The following ITGA3 variants were observed in gnomAD, a reference collection of about 807,000 sequenced individuals.
The protein encoded by ITGA3 is integrin alpha-3.
ITGA3 carries 70 observed loss-of-function variants against 131.1 expected under a neutral mutation model. The observed-to-expected ratio is 0.53, with a 90% CI of 0.44 to 0.65. ITGA3 has a LOEUF of 0.65. Among genes scored for constraint, ITGA3 ranks in the 30% least tolerant of loss-of-function variants. The pLI, the probability that ITGA3 is intolerant of heterozygous loss-of-function variation, is 0.00. For synonymous variants in ITGA3, 537 were observed against 571.6 expected, an observed-to-expected ratio of 0.94 and a Z score of 0.86; for missense variants, 1,098 against 1,388.6, an observed-to-expected ratio of 0.79 and a Z score of 3.33.
intron 18 of ITGA3, 23 bp from the exon 19 acceptor site, chr17:50,078,801 T>C: frequency 6.8e-7 from 1 of 1,468,578 alleles, no homozygotes; most frequent in Non-Finnish European, 9.5e-7. Flanking sequence ...CCCCCGTGAC[T>C]CCAGCATCCT....
At chr17:50,082,337 C>T (rs890558713) in intron 23 of ITGA3, among the ~76,000 whole-genome samples, 1 of 152,158 alleles carries the variant, frequency 6.6e-6, no homozygotes, top group Non-Finnish European at 1.5e-5. Flanking sequence ...CACCACCACG[C>T]CCGGCTAATT....
intron 23 of ITGA3, among the ~76,000 whole-genome samples, chr17:50,083,340 G>C (rs1324773464): frequency 6.6e-6 from 1 of 152,160 alleles, no homozygotes; most frequent in African/African-American, 2.4e-5. Flanking sequence ...TATGGGAAGA[G>C]TGAGTTATAA....
intron 16 of ITGA3, 102 bp downstream of exon 16, chr17:50,077,549 C>T (rs911072312): frequency 7.5e-6 from 7 of 938,900 alleles, no homozygotes; most frequent in African/African-American, 1.6e-5. Flanking sequence ...TCTGGGCTCC[C>T]TCGAAGTGGA....
At chr17:50,085,321 G>T (rs538587177) in intron 23 of ITGA3, among the ~76,000 whole-genome samples, 1 of 152,092 alleles carries the variant, frequency 6.6e-6, no homozygotes, top group East Asian at 1.9e-4. Context: ...TAAAACTATG[G>T]AAAGAGATTC....
At chr17:50,059,800 A>G (rs989702349) in intron 1 of ITGA3, among the ~76,000 whole-genome samples, 1 of 152,206 alleles carries the variant, frequency 6.6e-6, no homozygotes, top group Non-Finnish European at 1.5e-5. Flanking sequence ...TCGGGGGTCA[A>G]ATACAGGAAA....
At position 50,072,217 on chromosome 17, in the gene ITGA3, T is replaced by C. The variant is rs773865164; in HGVS notation, c.1156+35T>C. Reference sequence around the variant, plus strand: ...AGCACTCCTCCCCCAGCACCCCTCCTCCAGCACCCCTCCTCCCAGCACCCC... The same window carrying C: ...AGCACTCCTCCCCCAGCACCCCTCCCCCAGCACCCCTCCTCCCAGCACCCC... On this transcript the variant is annotated intron_variant, in intron 7 of 25. Coordinates refer to ENST00000320031, the MANE Select transcript of ITGA3 (RefSeq NM_002204.4). 1.9e-6 allele frequency: 3 copies of C among 1,566,688 alleles called. No homozygotes were observed. The South Asian group carries it at 3.4e-5, about 18-fold the overall frequency.
intron 14 of ITGA3, 38 bp from the exon 15 acceptor site, chr17:50,076,936 G>A (rs1377684017): frequency 6.3e-7 from 1 of 1,579,484 alleles, no homozygotes; most frequent in East Asian, 2.3e-5. Context: ...TGCCCTGGGG[G>A]CGGGGCTCTT....
At chr17:50,057,221 G>C (rs1377843556) in intron 1 of ITGA3, among the ~76,000 whole-genome samples, 13 of 152,158 alleles carry the variant, frequency 8.5e-5, no homozygotes, top group Admixed American at 6.5e-4. Flanking sequence ...CTTGAGGATA[G>C]GGGCGGTGAA....
At chr17:50,080,466 GTGTGTGTGTGT>G (rs1598195226) in intron 22 of ITGA3, 91 bp downstream of exon 22, 13 of 96,764 alleles carry the variant, frequency 1.3e-4, no homozygotes, top group Non-Finnish European at 5.5e-4. Context: ...TAGCATGGGT[GTGTGTGTGTGT>G]GTGTGTGTGT....
intron 1 of ITGA3, among the ~76,000 whole-genome samples, chr17:50,057,771 C>G (rs978311478): frequency 6.6e-6 from 1 of 152,228 alleles, no homozygotes; most frequent in Non-Finnish European, 1.5e-5. Flanking sequence ...GAAAATCTCC[C>G]TGCTCTGGCT....
chr17:50,062,319 A>G (rs1429951354), intron 1 of ITGA3, among the ~76,000 whole-genome samples: 1 of 152,116 alleles, frequency 6.6e-6, no homozygotes, highest in African/African-American at 2.4e-5. Context: ...CAAACCCTAG[A>G]CCCAGGTCCG....
In ITGA3 at chr17:50,079,492, G is replaced by A. The variant is rs1207542438; in HGVS notation, c.2641G>A (p.Gly881Arg). The A allele has an allele frequency of 1.9e-6, 3 of 1,580,890 alleles. No individual in the cohort carries two copies. The African/African-American group carries it at 4.1e-5, about 21-fold the overall frequency. ...CAGGCGGCGACAGCTGGATCCAGGG[G>A]GAGGCCAGGGCCCCCCACCTGTCAC... ...QRRRRQLDPG[G>R]GQGPPPVTLA... The change falls in exon 21 of 26, where the codon GGA becomes AGA. Residue 881 changes from glycine (G) to arginine (R), a missense_variant. Gly to Arg is a moderately radical substitution (Grantham distance 125). This residue lies in a region of ITGA3 where 699 missense variants were observed against 829.2 expected (regional missense o/e 0.84). Coordinates refer to ENST00000320031, the MANE Select transcript of ITGA3 (RefSeq NM_002204.4).
intron 1 of ITGA3, among the ~76,000 whole-genome samples, chr17:50,063,376 G>C (rs138535564): frequency 6.6e-6 from 1 of 152,106 alleles, no homozygotes; most frequent in African/African-American, 2.4e-5. Context: ...CACCCAGGTC[G>C]CTTAGGGGCC....
chr17:50,076,747 G>T, intron 14 of ITGA3, 66 bp downstream of exon 14: 1 of 1,397,670 alleles, frequency 7.2e-7, no homozygotes, highest in Non-Finnish European at 1.0e-6. Context: ...AACTGGCAGG[G>T]TGGGGGCGGG....
chr17:50,073,141 C>A (rs1378617169), intron 7 of ITGA3, among the ~76,000 whole-genome samples: 1 of 152,148 alleles, frequency 6.6e-6, no homozygotes, highest in Non-Finnish European at 1.5e-5. Flanking sequence ...TTGCTGATTC[C>A]CTAGGCCTTA....
chr17:50,071,451 C>G lies in ITGA3; in HGVS notation c.892C>G (p.Leu298Val). The change falls in exon 6 of 26, where the codon CTG becomes GTG. Residue 298 changes from leucine (L) to valine (V), a missense_variant. Coordinates refer to ENST00000320031, the MANE Select transcript of ITGA3 (RefSeq NM_002204.4). ...AGGDLRRRQVLEGSQVGAYFG... is the reference protein window; with the variant it reads ...AGGDLRRRQVVEGSQVGAYFG... ...CGGAGACCTGCGGAGGAGGCAGGTG[C>G]TGGAGGGCTCGCAGGTGGGCGCCTA... 1.2e-6 allele frequency: 2 copies of G among 1,613,756 alleles called. No homozygotes were observed. Among genetic ancestry groups the G allele is most frequent in the South Asian group, 2.2e-5 (2 of 91,082 alleles).
At chr17:50,080,840 C>T (rs1343281154) in intron 22 of ITGA3, among the ~76,000 whole-genome samples, 5 of 152,250 alleles carry the variant, frequency 3.3e-5, no homozygotes, top group African/African-American at 7.2e-5. Flanking sequence ...CAATGCCTCA[C>T]GTGCCCACTT....
rs75525844 is a variant in ITGA3, at chr17:50,073,837, G to A, written c.1157-79G>A. On this transcript the variant is annotated intron_variant, in intron 7 of 25. Transcript: ENST00000320031. The stretch of plus-strand genomic sequence containing the variant: ...GCCAAGATCAGTTCTGTGCTGGGCT[G>A]TATGGCCTGGAGCAAAGAGTTAGGG... 8.1e-4 allele frequency: 816 copies of A among 1,013,650 alleles called. 4 individuals are homozygous for A. Among genetic ancestry groups the A allele is most frequent in the Middle Eastern group, 2.3e-3 (9 of 3,976 alleles). 62.8% of individuals were successfully genotyped at this position (1,013,650 alleles called of 1,614,324 possible).
intron 15 of ITGA3, 92 bp downstream of exon 15, chr17:50,077,213 C>T: frequency 7.3e-7 from 1 of 1,365,468 alleles, no homozygotes; most frequent in African/African-American, 1.4e-5. Context: ...TTGTCGTCTG[C>T]CACGTGCCCA....
Sources: gnomAD v4.1 joint callset for allele counts (sites outside exome capture counted in the v4.1 genomes callset) on GRCh38, gnomAD v4.1.1 for gene constraint, gnomAD v4.1.1 regional missense constraint, MANE v1.5 for transcripts, NCBI Gene and HGNC (gene_info 2026-07-23, HGNC 2026-07-21) for gene names.